The following TENM2 variants were observed in gnomAD, a reference collection of about 807,000 sequenced individuals.
TENM2 encodes the protein teneurin-2.
In TENM2, 52 loss-of-function variants were observed where a neutral mutation model predicts 245.2. The observed-to-expected ratio is 0.21, with a 90% CI of 0.17 to 0.27. The LOEUF (loss-of-function observed/expected upper bound fraction) is 0.27, where lower values mean the gene tolerates loss of function less well. Ranked by LOEUF, TENM2 falls within the 10% of genes least tolerant of loss-of-function variation. The pLI, the probability that TENM2 is intolerant of heterozygous loss-of-function variation, is 1.00. For missense variants in TENM2, 3,046 were observed against 3,666.8 expected, an observed-to-expected ratio of 0.83 and a Z score of 4.37; for synonymous variants, 1,363 against 1,438.9, an observed-to-expected ratio of 0.95 and a Z score of 1.19.
the TENM2 span, among the ~76,000 whole-genome samples, chr5:167,150,098 G>T: frequency 6.6e-6 from 1 of 152,076 alleles, no homozygotes; most frequent in African/African-American, 2.4e-5. Flanking sequence ...GAAAAGGGAG[G>T]GGAAAATACA....
chr5:167,486,583 C>T (rs2127536464), intron 2 of TENM2, among the ~76,000 whole-genome samples: 1 of 152,284 alleles, frequency 6.6e-6, no homozygotes, highest in East Asian at 1.9e-4. Context: ...CTGCCTCTGC[C>T]TCCCAAAGTG....
intron 2 of TENM2, among the ~76,000 whole-genome samples, chr5:167,546,588 G>A (rs546594712): frequency 1.3e-4 from 20 of 152,274 alleles, no homozygotes; most frequent in African/African-American, 4.1e-4. Context: ...TATTCTTTGC[G>A]ATGTAAACCT....
chr5:167,225,629 T>A, the TENM2 span, among the ~76,000 whole-genome samples: 1 of 152,220 alleles, frequency 6.6e-6, no homozygotes, highest in Admixed American at 6.5e-5. Context: ...TAGTTTTTAT[T>A]TTTTGTTATG....
At chr5:167,139,649 T>A in the TENM2 span, among the ~76,000 whole-genome samples, 1 of 152,238 alleles carries the variant, frequency 6.6e-6, no homozygotes, top group Non-Finnish European at 1.5e-5. Context: ...TGGTTGTGTG[T>A]GTATTTGTCA....
At chr5:167,163,582 C>T in the TENM2 span, among the ~76,000 whole-genome samples, 12 of 152,192 alleles carry the variant, frequency 7.9e-5, no homozygotes, top group African/African-American at 2.2e-4. Context: ...ATCCTTTACA[C>T]GCTGCTTTGC....
chr5:168,252,646 C>G (rs1490702380), intron 27 of TENM2, among the ~76,000 whole-genome samples: 1 of 151,686 alleles, frequency 6.6e-6, no homozygotes, highest in South Asian at 2.1e-4. Flanking sequence ...TAGTTTGAGA[C>G]CAGCCTGAGT....
At chr5:168,181,133 G>C in intron 13 of TENM2, among the ~76,000 whole-genome samples, 1 of 152,164 alleles carries the variant, frequency 6.6e-6, no homozygotes, top group East Asian at 1.9e-4. Context: ...CTTAGGACAC[G>C]GGATGAGAAT....
chr5:167,102,232 C>G, the TENM2 span, among the ~76,000 whole-genome samples: 2 of 151,358 alleles, frequency 1.3e-5, no homozygotes, highest in Non-Finnish European at 2.9e-5. Flanking sequence ...TCTCAAAAAA[C>G]AAAAAAATTA....
At chr5:167,907,569 A>ATATATATATATG (rs1776209100) in intron 3 of TENM2, among the ~76,000 whole-genome samples, 2 of 108,258 alleles carry the variant, frequency 1.8e-5, no homozygotes, top group Non-Finnish European at 4.0e-5. Flanking sequence ...ATATATATAT[A>ATATATATATATG]TATGTATGTA....
chr5:167,488,053 C>T (rs944675649), intron 2 of TENM2, among the ~76,000 whole-genome samples: 4 of 152,110 alleles, frequency 2.6e-5, no homozygotes, highest in Non-Finnish European at 5.9e-5. Context: ...GCACCCACAT[C>T]AATAAGAACT....
At chr5:168,178,522 G>A (rs1170097026) in intron 13 of TENM2, among the ~76,000 whole-genome samples, 1 of 152,202 alleles carries the variant, frequency 6.6e-6, no homozygotes, top group African/African-American at 2.4e-5. Flanking sequence ...TAACAAGGGT[G>A]AGACTGTGCC....
chr5:167,776,508 T>C (rs1209149183), intron 2 of TENM2, among the ~76,000 whole-genome samples: 1 of 143,114 alleles, frequency 7.0e-6, no homozygotes, highest in Non-Finnish European at 1.5e-5. Flanking sequence ...AGTGGGAAGA[T>C]TGCTTGGGCC....
the TENM2 span, among the ~76,000 whole-genome samples, chr5:167,203,451 G>A: frequency 6.6e-6 from 1 of 152,080 alleles, no homozygotes; most frequent in Non-Finnish European, 1.5e-5. Context: ...GCTCCCCTTT[G>A]ACAGTAGAGC....
At chr5:167,235,908 C>G in the TENM2 span, among the ~76,000 whole-genome samples, 1 of 152,120 alleles carries the variant, frequency 6.6e-6, no homozygotes. Context: ...ATAAAGAGCT[C>G]GGAAGAGATC....
intron 7 of TENM2, among the ~76,000 whole-genome samples, chr5:168,083,348 G>C (rs973033019): frequency 2.6e-5 from 4 of 152,200 alleles, no homozygotes; most frequent in Admixed American, 1.3e-4. Context: ...GGTACCATCT[G>C]TCATGGCTTC....
At chr5:167,405,769 A>AAAAC (rs1554145973) in intron 2 of TENM2, among the ~76,000 whole-genome samples, 3 of 145,186 alleles carry the variant, frequency 2.1e-5, no homozygotes, top group Non-Finnish European at 3.0e-5. Flanking sequence ...CACACACACA[A>AAAAC]ACACACACAC....
chr5:168,054,133 A>T (rs17069726), intron 6 of TENM2, among the ~76,000 whole-genome samples: 3,729 of 152,360 alleles, frequency 0.024, 108 homozygotes, highest in African/African-American at 0.067. Context: ...CTAAAGCAAC[A>T]AATTGAAATT....
intron 25 of TENM2, 68 bp downstream of exon 27, chr5:168,228,198 G>GAA (rs1195526267): frequency 1.5e-6 from 2 of 1,325,670 alleles, no homozygotes; most frequent in Admixed American, 3.8e-5. Context: ...ACAGAGCTGA[G>GAA]AAAGTTTCTC....
At chr5:167,080,116 C>A in the TENM2 span, among the ~76,000 whole-genome samples, 1 of 152,182 alleles carries the variant, frequency 6.6e-6, no homozygotes, top group Admixed American at 6.5e-5. Flanking sequence ...AATGCAGCAT[C>A]TTTCATTTGT....
Sources: gnomAD v4.1 joint callset for allele counts (sites outside exome capture counted in the v4.1 genomes callset) on GRCh38, gnomAD v4.1.1 for gene constraint, MANE v1.5 for transcripts, NCBI Gene and HGNC (gene_info 2026-07-23, HGNC 2026-07-21) for gene names.